Variants in FRMD4B observed in about 807,000 individuals in gnomAD.
FRMD4B encodes FERM domain-containing protein 4B.
In FRMD4B, 74 loss-of-function variants were observed where a neutral mutation model predicts 141.5. That is an observed-to-expected ratio of 0.52 (90% CI 0.43 to 0.63). The LOEUF (loss-of-function observed/expected upper bound fraction) is 0.63, where lower values mean the gene tolerates loss of function less well. FRMD4B is among the 30% of genes least tolerant of loss of function. The pLI is 0.00. For missense variants in FRMD4B, 1,366 were observed against 1,253.4 expected, an observed-to-expected ratio of 1.09 and a Z score of -1.36; for synonymous variants, 506 against 467.9, an observed-to-expected ratio of 1.08 and a Z score of -1.05.
rs78698329 is a variant in FRMD4B at position 69,530,669 on chromosome 3, A to C, written c.-129+11537T>G. On this transcript the variant is annotated intron_variant, in intron 1 of 5. Transcript: ENST00000459638. ...ACAGAAAAGGTCTGCCAACTTCTGC[A>C]TTACAGAATTGCCACGCTTTCCTCT... 3.7e-3 allele frequency among the ~76,000 whole-genome samples: 560 copies of C among 152,262 alleles called. 1 individual carries two copies. Among genetic ancestry groups the C allele is most frequent in the Non-Finnish European group, 6.9e-3 (467 of 68,032 alleles).
At chr3:69,294,669 C>T (rs1387641542) in intron 4 of FRMD4B, among the ~76,000 whole-genome samples, 1 of 152,078 alleles carries the variant, frequency 6.6e-6, no homozygotes, top group Non-Finnish European at 1.5e-5. Context: ...AGCTGGAGGC[C>T]CAAAAGAGTC....
chr3:69,406,484 T>C (rs1704651692), intron 2 of FRMD4B, among the ~76,000 whole-genome samples: 1 of 152,222 alleles, frequency 6.6e-6, no homozygotes, highest in Non-Finnish European at 1.5e-5. Flanking sequence ...TTAAATAGCC[T>C]TGCCACATTT....
At chr3:69,305,512 C>T (rs187055305) in intron 3 of FRMD4B, among the ~76,000 whole-genome samples, 162 of 152,316 alleles carry the variant, frequency 1.1e-3, no homozygotes, top group African/African-American at 3.7e-3. Context: ...ATTTCACAGA[C>T]GTTTAAATGT....
rs553602839 is a variant in FRMD4B at position 69,281,476 on chromosome 3, G to T, written c.501+6276C>A. Reference sequence around the variant, plus strand: ...TGTTATCAGCAATACTCATTCATTTGTTGTGTTAGTCAACCACAATTTACT... The same window carrying T: ...TGTTATCAGCAATACTCATTCATTTTTTGTGTTAGTCAACCACAATTTACT... On this transcript the variant is annotated intron_variant, in intron 5 of 22. Coordinates refer to ENST00000398540, the MANE Select transcript of FRMD4B (RefSeq NM_015123.3). Among the ~76,000 whole-genome samples the T allele has an allele frequency of 2.2e-3, 328 of 152,148 alleles. 1 individual carries two copies. Among genetic ancestry groups the T allele is most frequent in the Non-Finnish European group, 3.8e-3 (260 of 67,990 alleles).
rs1301726416 is a variant in FRMD4B at position 69,187,892 on chromosome 3, C to T, written c.1797G>A (p.Gly599=). 6.3e-7 allele frequency: 1 copy of T among 1,594,994 alleles called. No homozygotes were observed. The highest frequency in any genetic ancestry group is 1.1e-5 in the South Asian group (1 of 88,602). The part of the protein sequence containing the change: ...DDPSDAFTFP[G]QRSSSVPHSP... ...AATGAGGTACTGAACTTGATCGCTG[C>T]CCAGGAAAAGTGAAGGCATCACTGG... Residue 599 remains glycine, a synonymous_variant, in exon 19 of 23, where the codon GGG becomes GGA. Transcript: ENST00000398540.
At chr3:69,249,591 G>C (rs904427199) in intron 6 of FRMD4B, among the ~76,000 whole-genome samples, 2 of 152,116 alleles carry the variant, frequency 1.3e-5, no homozygotes, top group Non-Finnish European at 2.9e-5. Context: ...CCACAATACA[G>C]GTAAACCAAC....
In FRMD4B at chr3:69,270,574, T is replaced by C. The variant is rs550181558; in HGVS notation, c.501+17178A>G. Among the ~76,000 whole-genome samples, 584 of 148,130 alleles carry C rather than the reference T, an allele frequency of 3.9e-3. 3 individuals are homozygous for C. The highest frequency in any genetic ancestry group is 0.014 in the African/African-American group (564 of 40,992). On this transcript the variant is annotated intron_variant, in intron 5 of 22. Transcript: ENST00000398540. ...TTTTCTTTTTTTCTTTTTTTCTTTT[T>C]TTTTTTTTTTGAGACGGAGTCTCGC...
At chr3:69,262,028 G>A (rs943215284) in intron 5 of FRMD4B, among the ~76,000 whole-genome samples, 8 of 151,798 alleles carry the variant, frequency 5.3e-5, no homozygotes, top group Non-Finnish European at 8.8e-5. Flanking sequence ...GTGCAGTGGT[G>A]CAATACTGGC....
intron 2 of FRMD4B, among the ~76,000 whole-genome samples, chr3:69,427,643 G>GTTTTTGTTTTT (rs1705105994): frequency 8.3e-5 from 3 of 36,238 alleles, no homozygotes; most frequent in African/African-American, 3.2e-4. Flanking sequence ...CTAGGTAAAT[G>GTTTTTGTTTTT]TTTTTTTTTT....
intron 5 of FRMD4B, among the ~76,000 whole-genome samples, chr3:69,254,473 AT>A (rs2093480934): frequency 6.6e-6 from 1 of 152,150 alleles, no homozygotes; most frequent in Non-Finnish European, 1.5e-5. Context: ...GTAATCACAA[AT>A]ACCTCTCCAT....
chr3:69,195,742 G>A (rs2092897433), intron 14 of FRMD4B, among the ~76,000 whole-genome samples: 1 of 152,160 alleles, frequency 6.6e-6, no homozygotes, highest in Non-Finnish European at 1.5e-5. Context: ...AGAAAAATCA[G>A]TGTGAAGGAA....
chr3:69,279,752 CCCT>C (rs2093635784), intron 5 of FRMD4B, among the ~76,000 whole-genome samples: 1 of 31,358 alleles, frequency 3.2e-5, no homozygotes, highest in Admixed American at 4.3e-4. Flanking sequence ...CCTCCTCCTC[CCCT>C]CCTCCTTCTC....
At chr3:69,434,780 G>T (rs1199832969) in intron 1 of FRMD4B, among the ~76,000 whole-genome samples, 1 of 152,180 alleles carries the variant, frequency 6.6e-6, no homozygotes, top group African/African-American at 2.4e-5. Context: ...AATGAGTTGG[G>T]GTAGATGAGT....
chr3:69,496,023 G>C (rs2107041745), intron 1 of FRMD4B, among the ~76,000 whole-genome samples: 1 of 152,242 alleles, frequency 6.6e-6, no homozygotes, highest in South Asian at 2.1e-4. Flanking sequence ...AAGTAGGTTA[G>C]TTTATATTTC....
intron 5 of FRMD4B, among the ~76,000 whole-genome samples, chr3:69,267,618 TATATATATATATATATATAGAGAG>T (rs2093571119): frequency 8.6e-4 from 49 of 56,668 alleles, no homozygotes; most frequent in South Asian, 2.4e-3. Context: ...TATATATATA[TATATATATATATATATATAGAGAG>T]AGAGAGAGAG....
chr3:69,363,386 C>T (rs1215593057), intron 1 of FRMD4B, among the ~76,000 whole-genome samples: 42 of 149,332 alleles, frequency 2.8e-4, no homozygotes, highest in Admixed American at 1.3e-4. Flanking sequence ...CACCTGGCCT[C>T]CATGCCTTTT....
intron 1 of FRMD4B, among the ~76,000 whole-genome samples, chr3:69,518,406 T>C (rs1020196064): frequency 1.3e-5 from 2 of 152,184 alleles, no homozygotes; most frequent in African/African-American, 4.8e-5. Context: ...GCTAAGATGC[T>C]AAGCTTGTCT....
At chr3:69,524,460 A>G (rs564474956) in intron 1 of FRMD4B, among the ~76,000 whole-genome samples, 1 of 152,352 alleles carries the variant, frequency 6.6e-6, no homozygotes, top group Non-Finnish European at 1.5e-5. Context: ...TTGAGGCTTT[A>G]TATCAGTTAG....
intron 2 of FRMD4B, among the ~76,000 whole-genome samples, chr3:69,402,837 A>T (rs1704589490): frequency 6.6e-6 from 1 of 152,224 alleles, no homozygotes; most frequent in Admixed American, 6.5e-5. Flanking sequence ...CAGTAAATCA[A>T]AAAGAATCAG....
Sources: allele counts gnomAD v4.1 joint callset (sites outside exome capture counted in the v4.1 genomes callset), GRCh38; gene constraint gnomAD v4.1.1; transcripts MANE v1.5; gene names NCBI Gene and HGNC (gene_info 2026-07-23, HGNC 2026-07-21).